SLC44A3: variants seen among roughly 807,000 people sequenced by gnomAD.
SLC44A3 encodes choline transporter-like protein 3.
SLC44A3 carries 74 observed loss-of-function variants against 75.4 expected under a neutral mutation model. The ratio of observed to expected loss-of-function variants is 0.98; its 90% CI spans 0.81 to 1.19. The LOEUF is 1.19. Among genes scored for constraint, SLC44A3 ranks in the 50% most tolerant of loss-of-function variants. The pLI, the probability that SLC44A3 is intolerant of heterozygous loss-of-function variation, is 0.00. For synonymous variants in SLC44A3, 310 were observed against 296.9 expected (o/e 1.04, Z -0.45); for missense variants, 700 against 778.6 (o/e 0.90, Z 1.20).
intron 12 of SLC44A3, among the ~76,000 whole-genome samples, chr1:94,878,431 C>T (rs1213371391): frequency 1.3e-5 from 2 of 152,080 alleles, no homozygotes; most frequent in Non-Finnish European, 2.9e-5. Flanking sequence ...GTATCAGCCC[C>T]GGGTTCATGC....
chr1:94,838,096 T>C (rs1159321688), intron 6 of SLC44A3, among the ~76,000 whole-genome samples: 1 of 152,248 alleles, frequency 6.6e-6, no homozygotes, highest in Non-Finnish European at 1.5e-5. Context: ...TGCCTTGATA[T>C]ACTGACTATG....
In SLC44A3 at chr1:94,828,524, C is replaced by G. The variant is rs201060535; in HGVS notation, c.447C>G (p.Ser149=). The G allele has an allele frequency of 1.9e-6, 3 of 1,613,674 alleles. No individual in the cohort carries two copies. The highest frequency in any genetic ancestry group is 3.3e-5 in the Admixed American group (2 of 59,974). ...TCCTGTGTGTTTATAGTTTGAATTC[C>G]TTCAACTATACCCACAGTCCAAAAG... ...GSFLCVYSLN[S]FNYTHSPKAD... Residue 149 remains serine (S), a synonymous_variant, in exon 5 of 15, where the codon TCC becomes TCG. Transcript: ENST00000271227.
intron 12 of SLC44A3, among the ~76,000 whole-genome samples, chr1:94,878,177 G>T (rs986556120): frequency 4.3e-4 from 66 of 152,114 alleles, no homozygotes; most frequent in Non-Finnish European, 7.5e-4. Context: ...GGAGCCTGCA[G>T]TGAGCCGAGA....
chr1:94,863,638 A>G lies in SLC44A3; in HGVS notation c.1239-1105A>G, dbSNP rs371820488. ...AGATCTAAATGAATTCCTATTAGCA[A>G]TAGCTTCCGTGGTTTTTCCTACTTT... is the stretch of plus-strand genomic sequence containing the variant. On this transcript the variant is annotated intron_variant, in intron 10 of 14. Transcript: ENST00000271227. 2.2e-4 allele frequency among the ~76,000 whole-genome samples: 33 copies of G among 152,356 alleles called. 1 individual carries two copies. Among genetic ancestry groups the G allele is most frequent in the African/African-American group, 7.9e-4 (33 of 41,594 alleles).
chr1:94,861,609 T>G lies in SLC44A3; in HGVS notation c.1239-3134T>G, dbSNP rs1391795196. On this transcript the variant is annotated intron_variant, in intron 10 of 14. Transcript: ENST00000271227. Reference sequence around the variant, plus strand: ...GAGCTCTGCTTCCTTTTTGATTTTCTGCCTAATTTTGAAACCTCAAGATTT... The same window carrying G: ...GAGCTCTGCTTCCTTTTTGATTTTCGGCCTAATTTTGAAACCTCAAGATTT... 2.6e-5 allele frequency among the ~76,000 whole-genome samples: 4 copies of G among 152,230 alleles called. No homozygotes were observed. In the East Asian group the frequency reaches 7.7e-4, roughly 29 times the overall value.
intron 12 of SLC44A3, among the ~76,000 whole-genome samples, chr1:94,874,568 A>G (rs1668079949): frequency 6.6e-6 from 1 of 152,208 alleles, no homozygotes; most frequent in Non-Finnish European, 1.5e-5. Flanking sequence ...AAGTTATATA[A>G]GGGCACTCAG....
chr1:94,826,652 A>T (rs1000827047), intron 3 of SLC44A3, among the ~76,000 whole-genome samples: 4 of 142,092 alleles, frequency 2.8e-5, no homozygotes, highest in African/African-American at 1.0e-4. Flanking sequence ...AAAAAAAAAA[A>T]GAAAGATTCA....
chr1:94,854,294 G>A (rs962265228), intron 9 of SLC44A3, among the ~76,000 whole-genome samples: 2 of 152,240 alleles, frequency 1.3e-5, no homozygotes, highest in African/African-American at 4.8e-5. Flanking sequence ...ACTGTCCCAA[G>A]TTCATCTTGC....
chr1:94,827,480 C>T, intron 3 of SLC44A3, 27 bp from the exon 4 acceptor site: 1 of 1,613,918 alleles, frequency 6.2e-7, no homozygotes, highest in Non-Finnish European at 8.5e-7. Flanking sequence ...TGCTCTAACA[C>T]ATTCTTCTGT....
At chr1:94,848,030 C>T (rs1363952124) in intron 9 of SLC44A3, among the ~76,000 whole-genome samples, 1 of 152,134 alleles carries the variant, frequency 6.6e-6, no homozygotes, top group Non-Finnish European at 1.5e-5. Context: ...AGATCGAGAC[C>T]ATCCTGGCTA....
chr1:94,868,789 C>T (rs1305570560), intron 12 of SLC44A3, among the ~76,000 whole-genome samples: 1 of 152,226 alleles, frequency 6.6e-6, no homozygotes, highest in East Asian at 1.9e-4. Context: ...GGCCATATGG[C>T]CCTACAAGGC....
intron 12 of SLC44A3, among the ~76,000 whole-genome samples, chr1:94,880,142 A>G (rs1290766804): frequency 6.6e-6 from 1 of 152,182 alleles, no homozygotes; most frequent in Non-Finnish European, 1.5e-5. Context: ...TGGGTCTATA[A>G]TACTATATGA....
intron 6 of SLC44A3, 106 bp downstream of exon 6, chr1:94,837,977 A>G: frequency 9.5e-7 from 1 of 1,052,934 alleles, no homozygotes; most frequent in Non-Finnish European, 1.3e-6. Flanking sequence ...TAAATATAAA[A>G]CTCTGTATTT....
At position 94,833,710 on chromosome 1, in the gene SLC44A3, C is replaced by T. The variant is rs897411473; in HGVS notation, c.510-4001C>T. Among the ~76,000 whole-genome samples the T allele has an allele frequency of 2.0e-5, 3 of 152,182 alleles. No individual in the cohort carries two copies. The East Asian group carries it at 5.8e-4, about 29-fold the overall frequency. On this transcript the variant is annotated intron_variant, in intron 5 of 14. Transcript: ENST00000271227. ...TCTCTGAGTTTTCCATGAAACCCTT[C>T]TCATCTGACTTAGGAAAATGGGGAT...
At chr1:94,845,892 TA>T (rs1231710378) in intron 9 of SLC44A3, among the ~76,000 whole-genome samples, 1 of 152,174 alleles carries the variant, frequency 6.6e-6, no homozygotes, top group Admixed American at 6.5e-5. Context: ...CTCATGCCTG[TA>T]ATCCCAGCAC....
In SLC44A3 at chr1:94,839,961, C is replaced by T; in HGVS notation, c.684C>T (p.Ala228=). 3.1e-6 allele frequency: 5 copies of T among 1,613,942 alleles called. No homozygotes were observed. The highest frequency in any genetic ancestry group is 4.2e-6 in the Non-Finnish European group (5 of 1,179,838). The change falls in exon 7 of 15, where the codon GCC becomes GCT. Residue 228 remains alanine, a synonymous_variant. Coordinates refer to ENST00000271227, the MANE Select transcript of SLC44A3 (RefSeq NM_001114106.3). ...TTAATTTTTCAGCCTTGTCTTTGGC[C>T]ATGATGTTTACCTTCAGATTCATCA... is the stretch of plus-strand genomic sequence containing the variant. ...LCILALALSL[A]MMFTFRFITT... is the part of the protein sequence containing the mutation.
intron 12 of SLC44A3, among the ~76,000 whole-genome samples, chr1:94,876,464 G>C (rs189356569): frequency 1.3e-5 from 2 of 152,174 alleles, no homozygotes; most frequent in Non-Finnish European, 2.9e-5. Context: ...CACGTTCCTC[G>C]GCTGTCATTC....
At chr1:94,859,447 C>A (rs535853431) in intron 10 of SLC44A3, among the ~76,000 whole-genome samples, 1 of 152,200 alleles carries the variant, frequency 6.6e-6, no homozygotes, top group African/African-American at 2.4e-5. Context: ...GCCCTAAGCC[C>A]GCTGGAGAAA....
intron 14 of SLC44A3, among the ~76,000 whole-genome samples, chr1:94,894,109 C>T (rs3860361): frequency 0.092 from 13,865 of 151,164 alleles, 1,199 homozygotes; most frequent in East Asian, 0.37. Flanking sequence ...ACCTCCCCCC[C>T]AAAAAAAATC....
Sources: allele counts gnomAD v4.1 joint callset (sites outside exome capture counted in the v4.1 genomes callset), GRCh38; gene constraint gnomAD v4.1.1; transcripts MANE v1.5; gene names NCBI Gene and HGNC (gene_info 2026-07-23, HGNC 2026-07-21).